DEK: variants seen among roughly 807,000 people sequenced by gnomAD.
The protein encoded by DEK is DEK proto-oncogene.
A neutral mutation model predicts 46.8 loss-of-function variants in DEK; 28 were observed. The ratio of observed to expected loss-of-function variants is 0.60; its 90% CI spans 0.44 to 0.82. The LOEUF is 0.82. Among genes scored for constraint, DEK ranks in the 40% least tolerant of loss-of-function variants. The probability of loss-of-function intolerance (pLI) is 0.00; values close to 1 mark genes in which losing one functional copy is unlikely to be tolerated. For missense variants in DEK, 416 were observed against 430.6 expected, an observed-to-expected ratio of 0.97 and a Z score of 0.30; for synonymous variants, 160 against 144.5, an observed-to-expected ratio of 1.11 and a Z score of -0.77.
chr6:18,243,620 T>C (rs1790991965), intron 7 of DEK, among the ~76,000 whole-genome samples: 6 of 152,320 alleles, frequency 3.9e-5, no homozygotes, highest in African/African-American at 1.2e-4. Context: ...CTTGAATTGG[T>C]AGTACTTCCA....
intron 9 of DEK, among the ~76,000 whole-genome samples, chr6:18,234,530 G>C (rs1790566075): frequency 6.6e-6 from 1 of 152,008 alleles, no homozygotes; most frequent in Non-Finnish European, 1.5e-5. Context: ...CCTCCCCCTG[G>C]AGCTCCCAGT....
At chr6:18,243,267 A>G (rs1168188315) in intron 7 of DEK, among the ~76,000 whole-genome samples, 1 of 152,210 alleles carries the variant, frequency 6.6e-6, no homozygotes, top group Non-Finnish European at 1.5e-5. Context: ...TCTTCCTTGC[A>G]GTTGCTAATA....
At chr6:18,249,264 G>A (rs901036698) in intron 7 of DEK, among the ~76,000 whole-genome samples, 9 of 152,218 alleles carry the variant, frequency 5.9e-5, no homozygotes, top group Admixed American at 2.6e-4. Flanking sequence ...TGCTTTTTCC[G>A]TAAAATAAAA....
rs1306416321 is a variant in DEK, at chr6:18,263,765, G to A, written c.145+78C>T. On this transcript the variant is annotated intron_variant, in intron 2 of 10. Coordinates refer to ENST00000652689, the MANE Select transcript of DEK (RefSeq NM_003472.4). ...ACGCCTCTAAACACCAAAAGAGCAA[G>A]AAAACTGTTTCCTGGGTGAAAAATA... The A allele has an allele frequency of 2.5e-6, 4 of 1,609,092 alleles. No individual in the cohort carries two copies. In the African/African-American group the frequency reaches 5.4e-5, roughly 22 times the overall value.
intron 9 of DEK, among the ~76,000 whole-genome samples, chr6:18,227,409 C>G (rs1048930715): frequency 6.6e-6 from 1 of 152,144 alleles, no homozygotes; most frequent in Non-Finnish European, 1.5e-5. Context: ...GCACTTAATT[C>G]TTTACCTTGA....
Position 18,237,503 on chromosome 6 carries a change from G to C in DEK, c.776C>G (p.Thr259Arg). 6.3e-7 allele frequency: 1 copy of C among 1,597,862 alleles called. No individual in the cohort carries two copies. The highest frequency in any genetic ancestry group is 1.4e-5 in the African/African-American group (1 of 73,326). Residue 259 changes from threonine to arginine, a missense_variant, in exon 8 of 11, where the codon ACA becomes AGA. Transcript: ENST00000652689. ...CTGTTTAGGTTTTTCTCTTTTGGCT[G>C]TCTTTTTTGGTGGCTGTTACAAAAG... is the stretch of plus-strand genomic sequence containing the variant. ...KESEEEPPKK[T>R]AKREKPKQKA... is the part of the protein sequence containing the mutation.
chr6:18,242,218 T>C (rs375427689), intron 7 of DEK, among the ~76,000 whole-genome samples: 104 of 152,200 alleles, frequency 6.8e-4, no homozygotes, highest in African/African-American at 2.2e-3. Context: ...AAAAAATTAG[T>C]CAGGCGTGGT....
At chr6:18,255,592 G>T in intron 6 of DEK, 139 bp downstream of exon 6, 1 of 1,019,002 alleles carries the variant, frequency 9.8e-7, no homozygotes. Flanking sequence ...AATTACTGCA[G>T]ATACGTCAAC....
intron 7 of DEK, among the ~76,000 whole-genome samples, chr6:18,240,695 C>A (rs1237476206): frequency 6.6e-6 from 1 of 152,182 alleles, no homozygotes; most frequent in Non-Finnish European, 1.5e-5. Flanking sequence ...GTGGCTCAAT[C>A]CTGTAATCCC....
intron 7 of DEK, among the ~76,000 whole-genome samples, chr6:18,238,924 GT>G (rs111391600): frequency 1.0e-4 from 15 of 147,204 alleles, no homozygotes; most frequent in South Asian, 4.3e-4. Flanking sequence ...AAGCAACCTG[GT>G]TTTTTTTTTT....
intron 7 of DEK, among the ~76,000 whole-genome samples, chr6:18,238,878 A>C (rs1312060207): frequency 6.6e-6 from 1 of 152,132 alleles, no homozygotes; most frequent in Non-Finnish European, 1.5e-5. Context: ...CGTTTCTCCA[A>C]ATGTTTAACA....
chr6:18,231,115 A>C (rs1213243526), intron 9 of DEK, among the ~76,000 whole-genome samples: 1 of 152,232 alleles, frequency 6.6e-6, no homozygotes, highest in Non-Finnish European at 1.5e-5. Flanking sequence ...CTCCTGAATG[A>C]CTACTGGGTA....
chr6:18,250,697 T>C (rs891308599), intron 6 of DEK, among the ~76,000 whole-genome samples: 35 of 150,406 alleles, frequency 2.3e-4, no homozygotes, highest in Admixed American at 2.3e-3. Flanking sequence ...TGTTTCACCA[T>C]GTTGGCCAGG....
intron 7 of DEK, among the ~76,000 whole-genome samples, chr6:18,240,043 T>C (rs1790836268): frequency 6.6e-6 from 1 of 152,300 alleles, no homozygotes; most frequent in Middle Eastern, 3.4e-3. Flanking sequence ...CCATTCAAAT[T>C]AGAAAATCAG....
At chr6:18,242,877 T>C (rs980467065) in intron 7 of DEK, among the ~76,000 whole-genome samples, 4 of 152,166 alleles carry the variant, frequency 2.6e-5, no homozygotes, top group Non-Finnish European at 5.9e-5. Context: ...TATGTGAAAT[T>C]GTGAAGGGAA....
rs185328523 is a variant in DEK, at chr6:18,260,591, A to C, written c.146-2186T>G. 5.3e-5 allele frequency among the ~76,000 whole-genome samples: 8 copies of C among 152,312 alleles called. No individual in the cohort carries two copies. In the East Asian group the frequency reaches 1.5e-3, roughly 29 times the overall value. On this transcript the variant is annotated intron_variant, in intron 2 of 10. Transcript: ENST00000652689. Reference sequence around the variant, plus strand: ...TTCTCTCACTTCCCTTTTCCCCAAAATCACTGCCAATTTTGGCTAATCTGA... The same window carrying C: ...TTCTCTCACTTCCCTTTTCCCCAAACTCACTGCCAATTTTGGCTAATCTGA...
intron 6 of DEK, among the ~76,000 whole-genome samples, chr6:18,252,335 C>T (rs955953323): frequency 6.6e-6 from 1 of 151,472 alleles, no homozygotes; most frequent in Non-Finnish European, 1.5e-5. Context: ...TATAGTGAGC[C>T]CTTGTCTCTA....
chr6:18,240,887 G>A (rs1443394544), intron 7 of DEK, among the ~76,000 whole-genome samples: 1 of 152,140 alleles, frequency 6.6e-6, no homozygotes, highest in Non-Finnish European at 1.5e-5. Context: ...GTATTAACTA[G>A]CCATGATATA....
At position 18,258,077 on chromosome 6, in the gene DEK, A is replaced by G. The variant is rs1231470940; in HGVS notation, c.248-15T>C. On this transcript the variant is annotated splice_polypyrimidine_tract_variant and intron_variant, in intron 3 of 10. Coordinates refer to ENST00000652689, the MANE Select transcript of DEK (RefSeq NM_003472.4). ...CTGCCCCTTTCCTGGGGAAAAAAAA[A>G]AATCACAATTAAATACCTATGGCTT... The G allele has an allele frequency of 6.5e-7, 1 of 1,548,876 alleles. No homozygotes were observed. Among genetic ancestry groups the G allele is most frequent in the South Asian group, 1.2e-5 (1 of 84,416 alleles).
Sources: gnomAD v4.1 joint callset for allele counts (sites outside exome capture counted in the v4.1 genomes callset) on GRCh38, gnomAD v4.1.1 for gene constraint, MANE v1.5 for transcripts, NCBI Gene and HGNC (gene_info 2026-07-23, HGNC 2026-07-21) for gene names.